Variants in NCK1 observed in about 807,000 individuals in gnomAD.
NCK1 encodes SH2/SH3 adapter protein NCK1.
NCK1 carries 19 observed loss-of-function variants against 36.6 expected under a neutral mutation model. The ratio of observed to expected loss-of-function variants is 0.52; its 90% CI spans 0.36 to 0.76. The LOEUF (loss-of-function observed/expected upper bound fraction) is 0.76, where lower values mean the gene tolerates loss of function less well. Ranked by LOEUF, NCK1 falls within the 30% of genes least tolerant of loss-of-function variation. The pLI is 0.00. For synonymous variants in NCK1, 165 were observed against 156.0 expected (o/e 1.06, Z -0.43); for missense variants, 358 against 445.6 (o/e 0.80, Z 1.77).
At chr3:136,877,452 T>G (rs1202236911) in intron 1 of NCK1, among the ~76,000 whole-genome samples, 1 of 152,144 alleles carries the variant, frequency 6.6e-6, no homozygotes, top group African/African-American at 2.4e-5. Flanking sequence ...ATAGTATAAC[T>G]TAAAGGATGT....
intron 1 of NCK1, among the ~76,000 whole-genome samples, chr3:136,916,453 C>G (rs1369518268): frequency 6.6e-6 from 1 of 152,140 alleles, no homozygotes; most frequent in Non-Finnish European, 1.5e-5. Context: ...CAAACACCTC[C>G]CATTAGGCCC....
At chr3:136,894,842 A>AT (rs1939349172) in intron 1 of NCK1, among the ~76,000 whole-genome samples, 1 of 150,058 alleles carries the variant, frequency 6.7e-6, no homozygotes, top group African/African-American at 2.5e-5. Flanking sequence ...TTTTAATTAT[A>AT]TTTTTCAGAA....
intron 1 of NCK1, among the ~76,000 whole-genome samples, chr3:136,904,355 G>A (rs1249359111): frequency 6.6e-6 from 1 of 152,066 alleles, no homozygotes; most frequent in East Asian, 1.9e-4. Context: ...GTTTCACTAT[G>A]TTGGCCAGGC....
At chr3:136,862,644 CCGCCCGTGCG>C (rs1938262838) in intron 1 of NCK1, among the ~76,000 whole-genome samples, 1 of 152,036 alleles carries the variant, frequency 6.6e-6, no homozygotes, top group East Asian at 1.9e-4. Flanking sequence ...GCCCGGGCGG[CCGCCCGTGCG>C]AGCCTGGGAG....
At chr3:136,891,102 A>G (rs1376828017) in intron 1 of NCK1, among the ~76,000 whole-genome samples, 1 of 152,192 alleles carries the variant, frequency 6.6e-6, no homozygotes, top group Non-Finnish European at 1.5e-5. Context: ...GTTCCGTTGA[A>G]TCTATATTTA....
chr3:136,928,406 G>A, intron 2 of NCK1, 179 bp downstream of exon 2: 1 of 591,276 alleles, frequency 1.7e-6, no homozygotes, highest in Non-Finnish European at 3.0e-6. Flanking sequence ...GTGTTAACAT[G>A]CAGTTTCTGT....
intron 1 of NCK1, among the ~76,000 whole-genome samples, chr3:136,872,042 G>A (rs1576941804): frequency 6.6e-6 from 1 of 152,172 alleles, no homozygotes; most frequent in East Asian, 1.9e-4. Flanking sequence ...ATTGGTACCA[G>A]TAGAGTAGAG....
intron 1 of NCK1, among the ~76,000 whole-genome samples, chr3:136,926,360 C>T (rs572766209): frequency 1.1e-4 from 17 of 151,912 alleles, no homozygotes; most frequent in Non-Finnish European, 2.4e-4. Flanking sequence ...CTGCAAGCCC[C>T]GCCTCCCGGG....
At chr3:136,909,743 A>G (rs1042221172) in intron 1 of NCK1, among the ~76,000 whole-genome samples, 3 of 152,216 alleles carry the variant, frequency 2.0e-5, no homozygotes, top group South Asian at 2.1e-4. Context: ...TTTTTGCTTT[A>G]TATATTTTGA....
intron 1 of NCK1, among the ~76,000 whole-genome samples, chr3:136,894,890 G>C (rs1488906547): frequency 6.7e-6 from 1 of 148,214 alleles, no homozygotes; most frequent in Admixed American, 6.7e-5. Flanking sequence ...TTTTTTTTTT[G>C]AGATGGAGTT....
At chr3:136,891,979 C>T (rs912672249) in intron 1 of NCK1, among the ~76,000 whole-genome samples, 6 of 152,196 alleles carry the variant, frequency 3.9e-5, no homozygotes, top group Admixed American at 1.3e-4. Context: ...ATCTCATCCT[C>T]CTGGGCTCAA....
At chr3:136,932,099 AC>A (rs1940406243) in intron 2 of NCK1, among the ~76,000 whole-genome samples, 1 of 150,670 alleles carries the variant, frequency 6.6e-6, no homozygotes, top group Non-Finnish European at 1.5e-5. Context: ...AGCCTGGGCA[AC>A]AGAGCGAGAC....
chr3:136,892,265 G>A (rs1269379243), intron 1 of NCK1, among the ~76,000 whole-genome samples: 2 of 152,154 alleles, frequency 1.3e-5, no homozygotes, highest in African/African-American at 4.8e-5. Flanking sequence ...TGTCCTATCA[G>A]ATGTGATTTC....
chr3:136,930,596 T>C (rs1940365542), intron 2 of NCK1: 2 of 1,469,522 alleles, frequency 1.4e-6, no homozygotes, highest in South Asian at 1.3e-5. Flanking sequence ...ATTTTTTCAG[T>C]AAGTTAATCT....
intron 1 of NCK1, among the ~76,000 whole-genome samples, chr3:136,881,487 G>T (rs1454157935): frequency 6.6e-6 from 1 of 152,204 alleles, no homozygotes; most frequent in African/African-American, 2.4e-5. Flanking sequence ...CAAGTGCTGG[G>T]ATTGGAGGCA....
At chr3:136,940,004 A>G (rs1193455792) in intron 2 of NCK1, among the ~76,000 whole-genome samples, 1 of 151,796 alleles carries the variant, frequency 6.6e-6, no homozygotes, top group Non-Finnish European at 1.5e-5. Flanking sequence ...GGAATGCACC[A>G]CCACACCTGG....
At chr3:136,876,070 A>G (rs1938761935) in intron 1 of NCK1, among the ~76,000 whole-genome samples, 1 of 151,884 alleles carries the variant, frequency 6.6e-6, no homozygotes. Flanking sequence ...ACATAACGAA[A>G]TGAAGGCAGA....
intron 3 of NCK1, among the ~76,000 whole-genome samples, chr3:136,947,997 G>A (rs373789090): frequency 1.3e-5 from 2 of 152,054 alleles, no homozygotes; most frequent in East Asian, 3.9e-4. Flanking sequence ...AGAGACTTTT[G>A]ATTATGCAGG....
At chr3:136,929,513 C>G (rs1014875893) in intron 2 of NCK1, among the ~76,000 whole-genome samples, 5 of 151,952 alleles carry the variant, frequency 3.3e-5, no homozygotes, top group African/African-American at 1.2e-4. Context: ...TTTAGTTTTT[C>G]AATGGAAGAC....
Sources: gnomAD v4.1 joint callset for allele counts (sites outside exome capture counted in the v4.1 genomes callset) on GRCh38, gnomAD v4.1.1 for gene constraint, MANE v1.5 for transcripts, NCBI Gene and HGNC (gene_info 2026-07-23, HGNC 2026-07-21) for gene names.